SCLT1: variants seen among roughly 807,000 people sequenced by gnomAD.
The protein encoded by SCLT1 is sodium channel-associated protein 1.
SCLT1 carries 78 observed loss-of-function variants against 112.8 expected under a neutral mutation model. That is an observed-to-expected ratio of 0.69 (90% confidence interval 0.58 to 0.83). The LOEUF (loss-of-function observed/expected upper bound fraction) is 0.83. Among genes scored for constraint, SCLT1 ranks in the 40% least tolerant of loss-of-function variants. The pLI, the probability that SCLT1 is intolerant of heterozygous loss-of-function variation, is 0.00. For synonymous variants in SCLT1, 257 were observed against 254.7 expected, an observed-to-expected ratio of 1.01 and a Z score of -0.09; for missense variants, 747 against 770.4, an observed-to-expected ratio of 0.97 and a Z score of 0.36.
intron 2 of SCLT1, among the ~76,000 whole-genome samples, chr4:129,056,712 G>A (rs553355438): frequency 9.9e-5 from 15 of 152,144 alleles, no homozygotes; most frequent in African/African-American, 3.6e-4. Flanking sequence ...TTAATTTGTT[G>A]ATCAGTTCTA....
intron 16 of SCLT1, among the ~76,000 whole-genome samples, chr4:128,944,127 T>G (rs1458591383): frequency 1.3e-5 from 2 of 152,114 alleles, no homozygotes; most frequent in African/African-American, 4.8e-5. Context: ...CCTCTGCCTT[T>G]CTAGATCTTT....
At chr4:129,051,241 G>GT (rs1748761561) in intron 2 of SCLT1, among the ~76,000 whole-genome samples, 1 of 151,818 alleles carries the variant, frequency 6.6e-6, no homozygotes, top group South Asian at 2.1e-4. Context: ...ATTTAAAGTA[G>GT]TTTTTTTCTA....
At chr4:128,944,262 T>A (rs901474017) in intron 16 of SCLT1, among the ~76,000 whole-genome samples, 1 of 152,112 alleles carries the variant, frequency 6.6e-6, no homozygotes, top group Non-Finnish European at 1.5e-5. Flanking sequence ...AAATGACATA[T>A]CTAGGGAATG....
At chr4:128,887,214 T>C (rs181319854) in intron 20 of SCLT1, among the ~76,000 whole-genome samples, 1 of 152,304 alleles carries the variant, frequency 6.6e-6, no homozygotes, top group African/African-American at 2.4e-5. Context: ...CCAGTGCACC[T>C]AACTTCTGTT....
intron 5 of SCLT1, among the ~76,000 whole-genome samples, chr4:129,011,850 GTTGT>G (rs1490900396): frequency 6.6e-6 from 1 of 152,032 alleles, no homozygotes; most frequent in Non-Finnish European, 1.5e-5. Flanking sequence ...TTATTTGATG[GTTGT>G]TTGTATTTCT....
Position 129,042,841 on chromosome 4 carries a change from G to A in SCLT1, c.234+554C>T, listed in dbSNP as rs139392952. Among the ~76,000 whole-genome samples, 83 of 152,072 alleles carry A rather than the reference G, an allele frequency of 5.5e-4. 1 individual carries two copies. The highest frequency in any genetic ancestry group is 1.6e-3 in the East Asian group (8 of 5,130). ...CTTCATTCCAGCACTTTGGGAGGCC[G>A]AGGCAGGCGGATCACGAGGTCAGGA... On this transcript the variant is annotated intron_variant, in intron 4 of 20. Coordinates refer to ENST00000281142, the MANE Select transcript of SCLT1 (RefSeq NM_144643.4).
rs555841530 is a variant in SCLT1 at position 129,085,695 on chromosome 4, G to A, written c.35-3322C>T. 5.9e-5 allele frequency among the ~76,000 whole-genome samples: 9 copies of A among 152,256 alleles called. No individual in the cohort carries two copies. The South Asian group carries it at 8.3e-4, about 14-fold the overall frequency. On this transcript the variant is annotated intron_variant, in intron 1 of 20. Coordinates refer to ENST00000281142, the MANE Select transcript of SCLT1 (RefSeq NM_144643.4). ...ATACTATGCAGCCATAAAGAAGAACGAGATCATCTCCTTTGCAGGAACATG... is the reference window on the plus strand; with the variant it reads ...ATACTATGCAGCCATAAAGAAGAACAAGATCATCTCCTTTGCAGGAACATG...
intron 17 of SCLT1, 91 bp downstream of exon 17, chr4:128,942,905 G>A (rs929212069): frequency 1.2e-6 from 1 of 858,262 alleles, no homozygotes; most frequent in Non-Finnish European, 1.8e-6. Context: ...AAAAAAAAAG[G>A]GGGCCTTAAA....
downstream of SCLT1, among the ~76,000 whole-genome samples, chr4:128,882,985 A>C (rs917649264): frequency 1.3e-5 from 2 of 151,906 alleles, no homozygotes; most frequent in Non-Finnish European, 2.9e-5. Context: ...CATCTCTATT[A>C]AAAATAGAAA....
At chr4:129,039,921 C>T in intron 4 of SCLT1, 1 of 456,842 alleles carries the variant, frequency 2.2e-6, no homozygotes, top group Non-Finnish European at 4.0e-6. Context: ...CACACACACA[C>T]ACACACACAC....
At chr4:128,880,452 C>T (rs1732615052), downstream of SCLT1, among the ~76,000 whole-genome samples, 1 of 152,074 alleles carries the variant, frequency 6.6e-6, no homozygotes, top group Admixed American at 6.6e-5. Context: ...CCTATCATAC[C>T]TTTAGAGCTA....
chr4:128,878,371 T>TCTAA (rs1732568578), intron 3 of SCLT1, among the ~76,000 whole-genome samples: 1 of 152,210 alleles, frequency 6.6e-6, no homozygotes, highest in Non-Finnish European at 1.5e-5. Context: ...GATTGATAGT[T>TCTAA]CTAACTTCAG....
At chr4:129,030,269 C>A (rs528411462) in intron 5 of SCLT1, among the ~76,000 whole-genome samples, 9 of 152,046 alleles carry the variant, frequency 5.9e-5, no homozygotes, top group Non-Finnish European at 1.2e-4. Flanking sequence ...CCAATGAGAA[C>A]AAAGACACAA....
At chr4:128,970,528 A>T in intron 9 of SCLT1, 60 bp from the exon 10 acceptor site, 2 of 905,234 alleles carry the variant, frequency 2.2e-6, no homozygotes, top group Non-Finnish European at 3.6e-6. Flanking sequence ...ATAAAAAATT[A>T]GAATAGAAAT....
At chr4:129,074,742 C>T (rs1716811770) in intron 2 of SCLT1, among the ~76,000 whole-genome samples, 1 of 152,130 alleles carries the variant, frequency 6.6e-6, no homozygotes, top group Admixed American at 6.6e-5. Context: ...TGTTCTATCA[C>T]CCAAACTGGA....
At chr4:128,937,061 G>A (rs1410904907) in intron 17 of SCLT1, among the ~76,000 whole-genome samples, 2 of 151,874 alleles carry the variant, frequency 1.3e-5, no homozygotes, top group East Asian at 1.9e-4. Flanking sequence ...GGCAGATCAC[G>A]AGGTCAGGAG....
At chr4:129,022,373 C>G (rs1745566191) in intron 5 of SCLT1, among the ~76,000 whole-genome samples, 1 of 152,088 alleles carries the variant, frequency 6.6e-6, no homozygotes, top group Admixed American at 6.5e-5. Context: ...TGTTCTAACC[C>G]AATGCAAGGA....
downstream of SCLT1, among the ~76,000 whole-genome samples, chr4:128,879,446 T>C (rs1225765976): frequency 6.6e-6 from 1 of 151,498 alleles, no homozygotes; most frequent in African/African-American, 2.4e-5. Context: ...GTGTCAAAAT[T>C]ATAAATTCCT....
At chr4:128,942,184 T>A (rs1737752112) in intron 17 of SCLT1, among the ~76,000 whole-genome samples, 1 of 152,060 alleles carries the variant, frequency 6.6e-6, no homozygotes, top group Non-Finnish European at 1.5e-5. Context: ...GTTTTACAAA[T>A]AACTAGGGCA....
Sources: allele counts gnomAD v4.1 joint callset (sites outside exome capture counted in the v4.1 genomes callset), GRCh38; gene constraint gnomAD v4.1.1; transcripts MANE v1.5; gene names NCBI Gene and HGNC (gene_info 2026-07-23, HGNC 2026-07-21).